Variants in SGCZ observed in about 807,000 individuals in gnomAD.
SGCZ encodes the protein zeta-sarcoglycan.
Under a neutral mutation model 41.3 loss-of-function variants are expected in SGCZ, and 40 were observed. That is an observed-to-expected ratio of 0.97 (90% CI 0.75 to 1.26). The LOEUF (loss-of-function observed/expected upper bound fraction) is 1.26, where lower values mean the gene tolerates loss of function less well. Among genes scored for constraint, SGCZ ranks in the 50% most tolerant of loss-of-function variants. SGCZ has a pLI of 0.00. For synonymous variants in SGCZ, 206 were observed against 137.5 expected, an observed-to-expected ratio of 1.50 and a Z score of -3.49; for missense variants, 552 against 369.8, an observed-to-expected ratio of 1.49 and a Z score of -4.04.
rs138426141 is a variant in SGCZ at position 14,380,638 on chromosome 8, G to A, written c.235-56434C>T. 1.2e-4 allele frequency among the ~76,000 whole-genome samples: 19 copies of A among 152,250 alleles called. No individual in the cohort carries two copies. In the East Asian group the frequency reaches 2.9e-3, roughly 23 times the overall value. On this transcript the variant is annotated intron_variant, in intron 2 of 7. Coordinates refer to ENST00000382080, the MANE Select transcript of SGCZ (RefSeq NM_139167.4). ...GGAGGCCAAGGCAGGCACATCGTCA[G>A]GTCAACAGGTCGAGACCACCCTGGC...
At chr8:14,265,482 T>G (rs999299209) in intron 3 of SGCZ, among the ~76,000 whole-genome samples, 50 of 152,132 alleles carry the variant, frequency 3.3e-4, no homozygotes, top group African/African-American at 9.9e-4. Context: ...GGCCAAAGAT[T>G]TATTTGACGA....
At chr8:14,231,706 T>A (rs1806578251) in intron 4 of SGCZ, among the ~76,000 whole-genome samples, 1 of 152,162 alleles carries the variant, frequency 6.6e-6, no homozygotes, top group Admixed American at 6.6e-5. Context: ...AATGATTCTT[T>A]TAATGTAGAG....
chr8:14,553,673 G>T (rs1803942908), intron 2 of SGCZ, among the ~76,000 whole-genome samples: 1 of 151,834 alleles, frequency 6.6e-6, no homozygotes, highest in African/African-American at 2.4e-5. Flanking sequence ...CGGCAGCTAG[G>T]GTCATTTTCC....
chr8:14,913,052 T>C (rs1386821737), intron 1 of SGCZ, among the ~76,000 whole-genome samples: 1 of 152,022 alleles, frequency 6.6e-6, no homozygotes, highest in Non-Finnish European at 1.5e-5. Context: ...CTGTCATAAA[T>C]ATATATGCCC....
At chr8:14,378,936 T>A (rs143063415) in intron 2 of SGCZ, among the ~76,000 whole-genome samples, 1 of 152,284 alleles carries the variant, frequency 6.6e-6, no homozygotes, top group Admixed American at 6.5e-5. Flanking sequence ...AACTCAACAT[T>A]GCTTCTTTAG....
intron 4 of SGCZ, among the ~76,000 whole-genome samples, chr8:14,232,431 C>T (rs139637354): frequency 5.3e-5 from 8 of 152,130 alleles, no homozygotes; most frequent in African/African-American, 1.9e-4. Context: ...ATACAAATAT[C>T]ACTTTGTTTA....
intron 2 of SGCZ, among the ~76,000 whole-genome samples, chr8:14,471,064 G>C (rs568173899): frequency 2.6e-4 from 39 of 152,198 alleles, no homozygotes; most frequent in African/African-American, 9.1e-4. Flanking sequence ...CACATTCTCA[G>C]CCAGACACTT....
intron 1 of SGCZ, among the ~76,000 whole-genome samples, chr8:14,716,152 A>G (rs1809683095): frequency 6.6e-6 from 1 of 152,110 alleles, no homozygotes; most frequent in Admixed American, 6.6e-5. Flanking sequence ...AAAGAATGAC[A>G]TAATTGAGCC....
chr8:15,202,078 C>G (rs1800908746), intron 1 of SGCZ, among the ~76,000 whole-genome samples: 1 of 152,100 alleles, frequency 6.6e-6, no homozygotes, highest in African/African-American at 2.4e-5. Context: ...ATCAGAAAAA[C>G]AGTATTCCAA....
At chr8:14,973,085 G>A (rs1003681608) in intron 1 of SGCZ, among the ~76,000 whole-genome samples, 3 of 152,084 alleles carry the variant, frequency 2.0e-5, no homozygotes, top group Non-Finnish European at 4.4e-5. Flanking sequence ...CTCAAACTTT[G>A]TTCTGGGATA....
intron 1 of SGCZ, among the ~76,000 whole-genome samples, chr8:15,172,871 G>A (rs1000978853): frequency 6.6e-6 from 1 of 152,102 alleles, no homozygotes; most frequent in Non-Finnish European, 1.5e-5. Context: ...TTGTTCTATT[G>A]ATGTATAAAG....
chr8:14,097,086 G>A (rs1563123663), intron 7 of SGCZ, among the ~76,000 whole-genome samples: 1 of 151,218 alleles, frequency 6.6e-6, no homozygotes, highest in Non-Finnish European at 1.5e-5. Flanking sequence ...GTTTTTTTGT[G>A]TATCTCCTTC....
At chr8:14,607,707 A>T (rs1805797387) in intron 1 of SGCZ, among the ~76,000 whole-genome samples, 2 of 152,186 alleles carry the variant, frequency 1.3e-5, no homozygotes, top group African/African-American at 4.8e-5. Context: ...GGATCTACAC[A>T]ATCAAGAAAA....
At chr8:14,980,428 ATT>A (rs1480991679) in intron 1 of SGCZ, among the ~76,000 whole-genome samples, 2 of 152,234 alleles carry the variant, frequency 1.3e-5, no homozygotes, top group Non-Finnish European at 2.9e-5. Context: ...GTTTGTCTTC[ATT>A]GATATAGAAA....
chr8:14,587,174 C>T (rs1805085956), intron 1 of SGCZ, among the ~76,000 whole-genome samples: 1 of 151,872 alleles, frequency 6.6e-6, no homozygotes, highest in East Asian at 1.9e-4. Context: ...AAAATTTCCT[C>T]ATTACATAAT....
intron 1 of SGCZ, among the ~76,000 whole-genome samples, chr8:14,576,913 T>G (rs763941800): frequency 2.0e-5 from 3 of 152,238 alleles, no homozygotes; most frequent in South Asian, 4.1e-4. Flanking sequence ...GAATCATTCA[T>G]GCTCAATTTG....
At chr8:15,166,115 C>T (rs1799656626) in intron 1 of SGCZ, among the ~76,000 whole-genome samples, 1 of 152,170 alleles carries the variant, frequency 6.6e-6, no homozygotes, top group African/African-American at 2.4e-5. Context: ...AAATTGTCTT[C>T]CCTGGCACCT....
chr8:14,152,831 G>A (rs982919395), intron 5 of SGCZ, among the ~76,000 whole-genome samples: 10 of 152,054 alleles, frequency 6.6e-5, no homozygotes, highest in African/African-American at 2.4e-4. Flanking sequence ...CATACTATAG[G>A]TTACCAATTA....
intron 4 of SGCZ, among the ~76,000 whole-genome samples, chr8:14,235,781 T>C (rs1423669026): frequency 6.6e-6 from 1 of 152,056 alleles, no homozygotes; most frequent in Non-Finnish European, 1.5e-5. Flanking sequence ...GCCTCCTGGG[T>C]TCGAGTGATT....
Sources: gnomAD v4.1 joint callset for allele counts (sites outside exome capture counted in the v4.1 genomes callset) on GRCh38, gnomAD v4.1.1 for gene constraint, MANE v1.5 for transcripts, NCBI Gene and HGNC (gene_info 2026-07-23, HGNC 2026-07-21) for gene names.